Variants in TAFA2 observed in about 807,000 individuals in gnomAD.
TAFA2 encodes the protein TAFA chemokine like family member 2.
A neutral mutation model predicts 18.8 loss-of-function variants in TAFA2; 7 were observed. The ratio of observed to expected loss-of-function variants is 0.37; its 90% CI spans 0.21 to 0.70. The LOEUF is 0.70. Among genes scored for constraint, TAFA2 ranks in the 30% least tolerant of loss-of-function variants. TAFA2 has a pLI of 0.53. For missense variants in TAFA2, 122 were observed against 158.1 expected (o/e 0.77, Z 1.23); for synonymous variants, 60 against 54.2 (o/e 1.11, Z -0.47).
At chr12:61,893,669 AAAC>A (rs1411262262) in intron 1 of TAFA2, among the ~76,000 whole-genome samples, 3 of 152,218 alleles carry the variant, frequency 2.0e-5, no homozygotes, top group Non-Finnish European at 2.9e-5. Flanking sequence ...CAAATTTAAT[AAAC>A]AACTCCAAAG....
intron 1 of TAFA2, among the ~76,000 whole-genome samples, chr12:62,181,425 G>T (rs1163255854): frequency 6.6e-6 from 1 of 152,174 alleles, no homozygotes; most frequent in East Asian, 1.9e-4. Flanking sequence ...TCAGTGGAAT[G>T]AATTGATATC....
chr12:62,028,423 C>T (rs569291946), intron 1 of TAFA2, among the ~76,000 whole-genome samples: 57 of 152,228 alleles, frequency 3.7e-4, no homozygotes, highest in Non-Finnish European at 4.9e-4. Flanking sequence ...AGCCAGTAAG[C>T]CTTGGAGAAA....
chr12:61,965,118 T>C (rs1410374256), intron 1 of TAFA2, among the ~76,000 whole-genome samples: 1 of 151,850 alleles, frequency 6.6e-6, no homozygotes, highest in Non-Finnish European at 1.5e-5. Context: ...TCCTTAGAAA[T>C]TTAAATCCTA....
intron 1 of TAFA2, among the ~76,000 whole-genome samples, chr12:62,149,820 C>T (rs928078728): frequency 2.6e-5 from 4 of 152,092 alleles, no homozygotes; most frequent in African/African-American, 7.2e-5. Context: ...AATATTATGC[C>T]TTGGCCTTTA....
chr12:61,957,993 C>CTACAATA (rs1201094772), intron 1 of TAFA2, among the ~76,000 whole-genome samples: 1 of 152,096 alleles, frequency 6.6e-6, no homozygotes. Context: ...CCTCCAACCT[C>CTACAATA]CATCTACAAT....
intron 1 of TAFA2, among the ~76,000 whole-genome samples, chr12:62,157,116 C>CA (rs1268210402): frequency 6.6e-6 from 1 of 151,898 alleles, no homozygotes; most frequent in Non-Finnish European, 1.5e-5. Context: ...CAATGCTCTT[C>CA]AAAAAATGAA....
intron 2 of TAFA2, among the ~76,000 whole-genome samples, chr12:61,779,145 A>G (rs1870397354): frequency 6.6e-6 from 1 of 151,880 alleles, no homozygotes; most frequent in South Asian, 2.1e-4. Context: ...ATTTTTGCAT[A>G]TTATGTTGCA....
intron 4 of TAFA2, among the ~76,000 whole-genome samples, chr12:61,715,363 T>A (rs1004928898): frequency 7.2e-5 from 11 of 152,118 alleles, no homozygotes; most frequent in African/African-American, 1.9e-4. Context: ...ATTTTATTTT[T>A]TTTGAGATGG....
chr12:61,867,969 T>C (rs961373756), intron 1 of TAFA2, among the ~76,000 whole-genome samples: 2 of 152,220 alleles, frequency 1.3e-5, no homozygotes, highest in African/African-American at 2.4e-5. Flanking sequence ...ATCCTCCTAA[T>C]GTGCACAACT....
chr12:61,869,435 CTCAG>C (rs1484104839), intron 1 of TAFA2, among the ~76,000 whole-genome samples: 1 of 152,310 alleles, frequency 6.6e-6, no homozygotes, highest in South Asian at 2.1e-4. Context: ...GTAATCATTA[CTCAG>C]TCAGACTAGC....
At chr12:62,087,618 A>G (rs1868510438) in intron 1 of TAFA2, among the ~76,000 whole-genome samples, 1 of 152,164 alleles carries the variant, frequency 6.6e-6, no homozygotes, top group Admixed American at 6.6e-5. Flanking sequence ...AATGTAGATA[A>G]GGGATGACCT....
intron 1 of TAFA2, among the ~76,000 whole-genome samples, chr12:62,203,334 C>A (rs2062679564): frequency 6.6e-6 from 1 of 152,222 alleles, no homozygotes; most frequent in Non-Finnish European, 1.5e-5. Flanking sequence ...GTGGAGAGTT[C>A]TGTAGATATT....
intron 1 of TAFA2, among the ~76,000 whole-genome samples, chr12:61,941,041 C>G (rs1021682414): frequency 6.6e-5 from 10 of 152,032 alleles, no homozygotes; most frequent in Admixed American, 6.6e-5. Context: ...TATTTCAAAA[C>G]TTTCATATAT....
chr12:62,139,351 CA>C (rs1229004045), intron 1 of TAFA2, among the ~76,000 whole-genome samples: 13 of 152,286 alleles, frequency 8.5e-5, no homozygotes, highest in African/African-American at 3.1e-4. Flanking sequence ...TTGCAGAATT[CA>C]TTTTCCCCAT....
At chr12:62,125,501 A>G (rs1177688883) in intron 1 of TAFA2, among the ~76,000 whole-genome samples, 2 of 152,250 alleles carry the variant, frequency 1.3e-5, no homozygotes, top group Admixed American at 6.6e-5. Context: ...TCAGAGAGAC[A>G]TCTTTACTAA....
intron 1 of TAFA2, among the ~76,000 whole-genome samples, chr12:61,888,400 G>A (rs542339096): frequency 1.3e-5 from 2 of 152,244 alleles, no homozygotes; most frequent in East Asian, 3.9e-4. Flanking sequence ...TCATACTCAG[G>A]ACCCTTCCCA....
At chr12:62,132,290 C>T (rs988666039) in intron 1 of TAFA2, among the ~76,000 whole-genome samples, 9 of 114,152 alleles carry the variant, frequency 7.9e-5, no homozygotes, top group African/African-American at 2.3e-4. Context: ...GAAAGGCCCA[C>T]AGTTAGCAGA....
intron 1 of TAFA2, among the ~76,000 whole-genome samples, chr12:61,876,258 A>G (rs929643345): frequency 2.0e-5 from 3 of 152,158 alleles, no homozygotes. Flanking sequence ...CTCTTGGGAA[A>G]TGAGGCACAG....
intron 1 of TAFA2, among the ~76,000 whole-genome samples, chr12:61,920,817 T>C (rs757018324): frequency 4.0e-4 from 61 of 151,294 alleles, no homozygotes; most frequent in Non-Finnish European, 8.0e-4. Flanking sequence ...ATAAACTATA[T>C]AGAATATCAT....
Sources: allele counts gnomAD v4.1 joint callset (sites outside exome capture counted in the v4.1 genomes callset), GRCh38; gene constraint gnomAD v4.1.1; transcripts MANE v1.5; gene names NCBI Gene and HGNC (gene_info 2026-07-23, HGNC 2026-07-21).